The following SLC24A2 variants were observed in gnomAD, a reference collection of about 807,000 sequenced individuals.
SLC24A2 encodes the protein sodium/potassium/calcium exchanger 2.
Under a neutral mutation model 62.0 loss-of-function variants are expected in SLC24A2, and 36 were observed. The ratio of observed to expected loss-of-function variants is 0.58; its 90% confidence interval spans 0.44 to 0.77. The LOEUF is 0.77. SLC24A2 is among the 30% of genes least tolerant of loss of function. The pLI is 0.00. For missense variants in SLC24A2, 846 were observed against 817.9 expected (o/e 1.03, Z -0.42); for synonymous variants, 358 against 294.0 (o/e 1.22, Z -2.23).
At chr9:19,691,281 G>C (rs1362914552) in intron 2 of SLC24A2, among the ~76,000 whole-genome samples, 1 of 152,190 alleles carries the variant, frequency 6.6e-6, no homozygotes, top group African/African-American at 2.4e-5. Context: ...ACAATGCACA[G>C]TGTAGCCACA....
intron 2 of SLC24A2, among the ~76,000 whole-genome samples, chr9:19,725,189 T>C (rs762748313): frequency 6.6e-6 from 1 of 152,170 alleles, no homozygotes. Context: ...AGACCAGAGA[T>C]ACCGCTAAAG....
At chr9:19,555,418 C>A (rs941058899) in intron 7 of SLC24A2, among the ~76,000 whole-genome samples, 3 of 152,132 alleles carry the variant, frequency 2.0e-5, no homozygotes, top group Middle Eastern at 3.2e-3. Flanking sequence ...AAATTTGTAA[C>A]CTGTACCCAA....
the SLC24A2 span, among the ~76,000 whole-genome samples, chr9:19,847,249 A>AATTTAAT: frequency 1.3e-5 from 2 of 152,192 alleles, no homozygotes; most frequent in African/African-American, 2.4e-5. Context: ...TTTATTTGTT[A>AATTTAAT]ATTTAATATT....
chr9:19,844,591 C>T, the SLC24A2 span, among the ~76,000 whole-genome samples: 1 of 151,988 alleles, frequency 6.6e-6, no homozygotes, highest in Non-Finnish European at 1.5e-5. Context: ...AATTCTTTCC[C>T]AAGGCCAATG....
the SLC24A2 span, among the ~76,000 whole-genome samples, chr9:20,208,277 T>C: frequency 6.6e-6 from 1 of 152,126 alleles, no homozygotes; most frequent in Non-Finnish European, 1.5e-5. Flanking sequence ...AAGCAGGCAT[T>C]TGCCAGCTTT....
chr9:20,091,314 C>A, the SLC24A2 span, among the ~76,000 whole-genome samples: 1 of 151,882 alleles, frequency 6.6e-6, no homozygotes, highest in Non-Finnish European at 1.5e-5. Flanking sequence ...TTTCCCCAAC[C>A]CCACTGGAGA....
the SLC24A2 span, among the ~76,000 whole-genome samples, chr9:19,979,146 T>G: frequency 2.6e-5 from 4 of 152,322 alleles, no homozygotes; most frequent in Non-Finnish European, 5.9e-5. Flanking sequence ...CATTTTGAGC[T>G]TGAACCTGAC....
chr9:20,171,907 T>C, the SLC24A2 span, among the ~76,000 whole-genome samples: 2 of 151,974 alleles, frequency 1.3e-5, no homozygotes, highest in Non-Finnish European at 2.9e-5. Context: ...AACCACAGAA[T>C]ATACCTTCTA....
chr9:19,761,190 G>A (rs1432314962), intron 2 of SLC24A2, among the ~76,000 whole-genome samples: 1 of 152,154 alleles, frequency 6.6e-6, no homozygotes, highest in Non-Finnish European at 1.5e-5. Context: ...TTAGATTGCT[G>A]GGTCAAATGG....
At chr9:19,817,770 C>T in the SLC24A2 span, among the ~76,000 whole-genome samples, 6 of 152,040 alleles carry the variant, frequency 3.9e-5, no homozygotes, top group African/African-American at 1.4e-4. Context: ...TGCTCTGTTG[C>T]TCAGGCTGGA....
At chr9:20,290,533 G>A in the SLC24A2 span, among the ~76,000 whole-genome samples, 1 of 152,216 alleles carries the variant, frequency 6.6e-6, no homozygotes, top group Non-Finnish European at 1.5e-5. Context: ...GCTCTGGCTG[G>A]TGCAAAATGT....
At chr9:19,635,053 C>A (rs548493157) in intron 2 of SLC24A2, among the ~76,000 whole-genome samples, 1 of 152,200 alleles carries the variant, frequency 6.6e-6, no homozygotes, top group East Asian at 1.9e-4. Context: ...TGTTATCTGT[C>A]AATAGAACAA....
chr9:19,996,598 C>A, the SLC24A2 span, among the ~76,000 whole-genome samples: 1 of 151,894 alleles, frequency 6.6e-6, no homozygotes, highest in Non-Finnish European at 1.5e-5. Flanking sequence ...AAAACTAAGC[C>A]AGGCATGCTG....
chr9:20,199,252 G>T, the SLC24A2 span, among the ~76,000 whole-genome samples: 1 of 152,170 alleles, frequency 6.6e-6, no homozygotes, highest in Non-Finnish European at 1.5e-5. Flanking sequence ...ACTCAGGCGG[G>T]ATAGAGTCCA....
At chr9:19,794,081 A>C in the SLC24A2 span, among the ~76,000 whole-genome samples, 1 of 152,234 alleles carries the variant, frequency 6.6e-6, no homozygotes, top group Admixed American at 6.5e-5. Context: ...TTGAGGGATG[A>C]AAGTGCAGGC....
chr9:19,607,718 CAAA>C (rs769291086), intron 4 of SLC24A2, among the ~76,000 whole-genome samples: 66 of 67,238 alleles, frequency 9.8e-4, no homozygotes, highest in African/African-American at 3.2e-3. Flanking sequence ...GACTCTGTCT[CAAA>C]AAAAAAAAAA....
At chr9:20,089,281 C>T in the SLC24A2 span, among the ~76,000 whole-genome samples, 105 of 152,194 alleles carry the variant, frequency 6.9e-4, no homozygotes, top group African/African-American at 2.3e-3. Context: ...GTCCCGGTCC[C>T]GGTCCACACT....
chr9:20,250,686 G>A, the SLC24A2 span, among the ~76,000 whole-genome samples: 2 of 152,084 alleles, frequency 1.3e-5, no homozygotes, highest in Non-Finnish European at 1.5e-5. Flanking sequence ...TCCAGCTAAC[G>A]TTTTACTATG....
the SLC24A2 span, among the ~76,000 whole-genome samples, chr9:20,003,703 C>T: frequency 3.7e-3 from 558 of 152,200 alleles, 10 homozygotes; most frequent in African/African-American, 0.013. Flanking sequence ...ACTACTAGCT[C>T]TGCTGTTGTA....
Sources: allele counts gnomAD v4.1 joint callset (sites outside exome capture counted in the v4.1 genomes callset), GRCh38; gene constraint gnomAD v4.1.1; transcripts MANE v1.5; gene names NCBI Gene and HGNC (gene_info 2026-07-23, HGNC 2026-07-21).